Variants in SLC10A1 observed in about 807,000 individuals in gnomAD.
The protein encoded by SLC10A1 is solute carrier family 10 member 1, also known as hepatic sodium/bile acid cotransporter.
SLC10A1 carries 36 observed loss-of-function variants against 20.5 expected under a neutral mutation model. The observed-to-expected ratio is 1.75, with a 90% CI of 1.34 to 2.32. SLC10A1 has a LOEUF of 2.32. SLC10A1 is among the 30% of genes most tolerant of loss of function. The probability of loss-of-function intolerance (pLI) is 0.00; values close to 1 mark genes in which losing one functional copy is unlikely to be tolerated. For missense variants in SLC10A1, 545 were observed against 439.1 expected (o/e 1.24, Z -2.16); for synonymous variants, 188 against 163.6 (o/e 1.15, Z -1.14).
At chr14:69,788,918 T>C (rs1159784010) in intron 1 of SLC10A1, among the ~76,000 whole-genome samples, 1 of 152,118 alleles carries the variant, frequency 6.6e-6, no homozygotes, top group African/African-American at 2.4e-5. Context: ...GAATGAGATA[T>C]TTTCCCAAAG....
chr14:69,791,167 TAAAG>T (rs1883829119), intron 1 of SLC10A1, among the ~76,000 whole-genome samples: 1 of 152,160 alleles, frequency 6.6e-6, no homozygotes, highest in Non-Finnish European at 1.5e-5. Flanking sequence ...TTCAATATTA[TAAAG>T]ATAGTCTCTC....
chr14:69,788,613 C>T lies in SLC10A1; in HGVS notation c.357-2306G>A, dbSNP rs539296832. ...AGGCTGGAGTGCAGTGGCGCAGTCT[C>T]GGCTCACTGCAAGCTCCGCCTCCTG... On this transcript the variant is annotated intron_variant, in intron 1 of 4. Transcript: ENST00000216540. 6.6e-5 allele frequency among the ~76,000 whole-genome samples: 10 copies of T among 151,024 alleles called. No homozygotes were observed. In the South Asian group the frequency reaches 1.7e-3, roughly 25 times the overall value.
Position 69,789,150 on chromosome 14 carries a change from A to G in SLC10A1, c.357-2843T>C, listed in dbSNP as rs536420236. On this transcript the variant is annotated intron_variant, in intron 1 of 4. Transcript: ENST00000216540. ...ATGGTGCTTTGGAAAATAGTTTGGC[A>G]GTTTCTAGAAAATTTAAACACAGAG... is the stretch of plus-strand genomic sequence containing the variant. 3.9e-5 allele frequency among the ~76,000 whole-genome samples: 6 copies of G among 152,328 alleles called. No homozygotes were observed. In the South Asian group the frequency reaches 1.0e-3, roughly 26 times the overall value.
At chr14:69,794,513 G>C (rs939591499) in intron 1 of SLC10A1, among the ~76,000 whole-genome samples, 10 of 152,216 alleles carry the variant, frequency 6.6e-5, no homozygotes, top group African/African-American at 2.4e-4. Flanking sequence ...GGGTGCTGTA[G>C]GAGGATCACA....
At chr14:69,779,600 A>C (rs1048200105) in intron 2 of SLC10A1, among the ~76,000 whole-genome samples, 1 of 152,174 alleles carries the variant, frequency 6.6e-6, no homozygotes, top group African/African-American at 2.4e-5. Context: ...CTGGACTCTT[A>C]GCGGTCCTCC....
At chr14:69,777,578 G>GTTTTTTTTTTTTT (rs4646293) in intron 4 of SLC10A1, among the ~76,000 whole-genome samples, 6 of 72,448 alleles carry the variant, frequency 8.3e-5, no homozygotes, top group African/African-American at 3.1e-4. Flanking sequence ...TGAATGTCCT[G>GTTTTTTTTTTTTT]TTTTTTTTTT....
intron 1 of SLC10A1, among the ~76,000 whole-genome samples, chr14:69,793,107 G>A (rs1171678533): frequency 3.9e-5 from 6 of 152,284 alleles, no homozygotes; most frequent in South Asian, 2.1e-4. Flanking sequence ...CAACTTGTGT[G>A]TTTGTTCTGG....
At chr14:69,795,802 A>G (rs1017769242) in intron 1 of SLC10A1, among the ~76,000 whole-genome samples, 1 of 152,100 alleles carries the variant, frequency 6.6e-6, no homozygotes, top group Non-Finnish European at 1.5e-5. Flanking sequence ...TTCCTAGGAA[A>G]GTTTGGCTAG....
chr14:69,785,068 A>G (rs974126579), intron 2 of SLC10A1, among the ~76,000 whole-genome samples: 8 of 152,164 alleles, frequency 5.3e-5, no homozygotes, highest in Non-Finnish European at 1.2e-4. Flanking sequence ...GCATTGATCC[A>G]GGGGCAGAGA....
In SLC10A1 at chr14:69,775,801, T is replaced by C. The variant is rs1366481523; in HGVS notation, c.*481A>G. On this transcript the variant is annotated 3_prime_UTR_variant, in exon 5 of 5. Transcript: ENST00000216540. ...CTTTTCGGGAGCATCATCCCAATAA[T>C]GTCAAAAGGGAAGGAATAGGATCTG... The C allele has an allele frequency of 6.5e-6, 1 of 152,810 alleles. No individual in the cohort carries two copies. Among genetic ancestry groups the C allele is most frequent in the Non-Finnish European group, 1.5e-5 (1 of 68,538 alleles). The allele number at this position is 152,810 out of a possible 1,614,324, so 9.5% of individuals were successfully genotyped here.
intron 2 of SLC10A1, among the ~76,000 whole-genome samples, chr14:69,781,288 C>T (rs77247389): frequency 6.6e-5 from 10 of 152,194 alleles, no homozygotes; most frequent in African/African-American, 1.7e-4. Context: ...CAAGTGGCCC[C>T]GGGTAGTTGC....
At chr14:69,782,864 CTT>C (rs930473268) in intron 2 of SLC10A1, among the ~76,000 whole-genome samples, 1 of 150,442 alleles carries the variant, frequency 6.6e-6, no homozygotes, top group Non-Finnish European at 1.5e-5. Context: ...CAGAGAAACA[CTT>C]TTAAAGCTAC....
At chr14:69,776,937 C>T (rs139625408) in intron 4 of SLC10A1, among the ~76,000 whole-genome samples, 4 of 152,158 alleles carry the variant, frequency 2.6e-5, no homozygotes, top group Non-Finnish European at 4.4e-5. Flanking sequence ...TTGACAGATT[C>T]CTCCCCCCTG....
intron 1 of SLC10A1, among the ~76,000 whole-genome samples, chr14:69,787,457 C>T (rs1169201232): frequency 1.3e-5 from 2 of 152,122 alleles, no homozygotes; most frequent in Admixed American, 1.3e-4. Context: ...CTTAGGAAAA[C>T]CACACTCAGT....
intron 1 of SLC10A1, among the ~76,000 whole-genome samples, chr14:69,792,043 C>T (rs1882284859): frequency 6.6e-6 from 1 of 151,826 alleles, no homozygotes; most frequent in African/African-American, 2.4e-5. Flanking sequence ...CCTCTGCCTC[C>T]TGGGTTCAAG....
chr14:69,797,226 G>C lies in SLC10A1; in HGVS notation c.-71C>G. The C allele has an allele frequency of 7.5e-7, 1 of 1,331,282 alleles. No individual in the cohort carries two copies. The highest frequency in any genetic ancestry group is 1.0e-6 in the Non-Finnish European group (1 of 960,528). 82.5% of individuals were successfully genotyped at this position (1,331,282 alleles called of 1,614,324 possible). A position where few individuals can be genotyped will look rare whatever the true frequency, so the allele number is the denominator to read the frequency against. On this transcript the variant is annotated 5_prime_UTR_variant, in exon 1 of 5. The change creates a new upstream start codon in the 5' untranslated region. Coordinates refer to ENST00000216540, the MANE Select transcript of SLC10A1 (RefSeq NM_003049.4). ...TCCGTTTCTTGTGCAGTTCTTGCTGGATGCCTTCTTTAATCACCTCTCAGG... is the reference window on the plus strand; with the variant it reads ...TCCGTTTCTTGTGCAGTTCTTGCTGCATGCCTTCTTTAATCACCTCTCAGG...
chr14:69,794,764 G>C (rs1254349975), intron 1 of SLC10A1, among the ~76,000 whole-genome samples: 2 of 151,980 alleles, frequency 1.3e-5, no homozygotes, highest in Admixed American at 6.6e-5. Context: ...TCCCAGCAGA[G>C]CTTATCTCTT....
At position 69,786,325 on chromosome 14, in the gene SLC10A1, A is replaced by T. The variant is rs772817817; in HGVS notation, c.357-18T>A. On this transcript the variant is annotated intron_variant, in intron 1 of 4. Transcript: ENST00000216540. ...TCACAATGCTGGTGGGAGACATGGG[A>T]AGAGGGGAGAGAGAGAGAGCCCATA... The T allele has an allele frequency of 6.2e-7, 1 of 1,606,020 alleles. No individual in the cohort carries two copies. Among genetic ancestry groups the T allele is most frequent in the African/African-American group, 1.3e-5 (1 of 74,702 alleles).
intron 1 of SLC10A1, 50 bp downstream of exon 1, chr14:69,796,750 T>G: frequency 1.4e-6 from 2 of 1,441,098 alleles, no homozygotes; most frequent in African/African-American, 1.4e-5. Context: ...TTGTGACATA[T>G]CTAATGTAGC....
Sources: allele counts gnomAD v4.1 joint callset (sites outside exome capture counted in the v4.1 genomes callset), GRCh38; gene constraint gnomAD v4.1.1; transcripts MANE v1.5; gene names NCBI Gene and HGNC (gene_info 2026-07-23, HGNC 2026-07-21).